The following NEMP2 variants were observed in gnomAD, a reference collection of about 807,000 sequenced individuals.
NEMP2 encodes the protein UPF0571 transmembrane protein.
In NEMP2, 53 loss-of-function variants were observed where a neutral mutation model predicts 54.2. That is an observed-to-expected ratio of 0.98 (90% CI 0.78 to 1.23). The LOEUF (loss-of-function observed/expected upper bound fraction) is 1.23, where lower values mean the gene tolerates loss of function less well. NEMP2 is among the 50% of genes most tolerant of loss of function. NEMP2 has a pLI of 0.00. For synonymous variants in NEMP2, 197 were observed against 190.3 expected, an observed-to-expected ratio of 1.04 and a Z score of -0.29; for missense variants, 455 against 511.3, an observed-to-expected ratio of 0.89 and a Z score of 1.06.
In NEMP2 at chr2:190,525,016, A is replaced by G. The variant is rs184741287; in HGVS notation, c.213+247T>C. On this transcript the variant is annotated intron_variant, in intron 2 of 8. Transcript: ENST00000409150. The surrounding 1 kb of genome is among the most constrained non-coding windows in gnomAD (Gnocchi z 5.0). Reference sequence around the variant, plus strand: ...CCTGAACAGCAGGCATGCTGTATACATTTAGATAGTATATTCATTGGGAGT... The same window carrying G: ...CCTGAACAGCAGGCATGCTGTATACGTTTAGATAGTATATTCATTGGGAGT... Among the ~76,000 whole-genome samples, 4 of 152,348 alleles carry G rather than the reference A, an allele frequency of 2.6e-5. No individual in the cohort carries two copies. Among genetic ancestry groups the G allele is most frequent in the Non-Finnish European group, 4.4e-5 (3 of 68,036 alleles).
Position 190,521,979 on chromosome 2 carries a change from T to C in NEMP2, c.214-2796A>G, listed in dbSNP as rs1017386363. Among the ~76,000 whole-genome samples, 2 of 152,076 alleles carry C rather than the reference T, an allele frequency of 1.3e-5. No individual in the cohort carries two copies. Among genetic ancestry groups the C allele is most frequent in the African/African-American group, 4.8e-5 (2 of 41,376 alleles). ...TTCATGGCTTTAGGCACCATCTATA[T>C]AAATATGCATCGCTAATTACTTTGC... On this transcript the variant is annotated intron_variant, in intron 2 of 8. Coordinates refer to ENST00000409150, the MANE Select transcript of NEMP2 (RefSeq NM_001142645.2). This position sits in a 1 kb window ranked among gnomAD's most constrained non-coding sequence, Gnocchi z 6.2.
Position 190,514,712 on chromosome 2 carries a change from T to G in NEMP2, c.728-34A>C. 2 of 1,534,050 alleles carry G rather than the reference T, an allele frequency of 1.3e-6. No homozygotes were observed. The highest frequency in any genetic ancestry group is 8.8e-7 in the Non-Finnish European group (1 of 1,131,932). On this transcript the variant is annotated intron_variant, in intron 6 of 8. Coordinates refer to ENST00000409150, the MANE Select transcript of NEMP2 (RefSeq NM_001142645.2). The surrounding 1 kb of genome is among the most constrained non-coding windows in gnomAD (Gnocchi z 5.7). ...GTGGAAGAGGTAAAATAATATAAAT[T>G]TGAATTTGAGACATTATGTGAAAAA...
At chr2:190,583,769 A>G in the NEMP2 span, among the ~76,000 whole-genome samples, 1 of 152,200 alleles carries the variant, frequency 6.6e-6, no homozygotes, top group Non-Finnish European at 1.5e-5. Flanking sequence ...GTTTTCACGC[A>G]TTGTCCTAAT....
At chr2:190,644,433 T>C in the NEMP2 span, among the ~76,000 whole-genome samples, 1 of 152,226 alleles carries the variant, frequency 6.6e-6, no homozygotes, top group African/African-American at 2.4e-5. This position sits in a 1 kb window ranked among gnomAD's most constrained non-coding sequence, Gnocchi z 4.4. Context: ...TTCAAAGGTG[T>C]GTCATATATA....
chr2:190,605,241 A>AG, the NEMP2 span, among the ~76,000 whole-genome samples: 1 of 152,136 alleles, frequency 6.6e-6, no homozygotes, highest in African/African-American at 2.4e-5. Context: ...GGCATGGTAT[A>AG]GAGGACCAAC....
the NEMP2 span, among the ~76,000 whole-genome samples, chr2:190,595,706 C>T: frequency 3.3e-4 from 50 of 152,270 alleles, no homozygotes; most frequent in Middle Eastern, 0.01. The surrounding 1 kb of genome is among the most constrained non-coding windows in gnomAD (Gnocchi z 4.0). Context: ...GAGATACCAT[C>T]TCACACCAGT....
the NEMP2 span, among the ~76,000 whole-genome samples, chr2:190,579,467 T>C: frequency 6.6e-6 from 1 of 152,176 alleles, no homozygotes; most frequent in African/African-American, 2.4e-5. Context: ...ACAGTATACT[T>C]AAGATGCCCG....
the NEMP2 span, among the ~76,000 whole-genome samples, chr2:190,576,499 A>T: frequency 6.6e-6 from 1 of 152,200 alleles, no homozygotes; most frequent in Non-Finnish European, 1.5e-5. Flanking sequence ...AAGCATTAAG[A>T]AAATGAAAGA....
the NEMP2 span, chr2:190,435,937 A>G: frequency 6.8e-7 from 1 of 1,461,286 alleles, no homozygotes; most frequent in Non-Finnish European, 9.2e-7. Context: ...ACATGTTATG[A>G]TTTTCATTAC....
At chr2:190,491,037 A>G in the NEMP2 span, among the ~76,000 whole-genome samples, 3 of 152,246 alleles carry the variant, frequency 2.0e-5, no homozygotes, top group African/African-American at 4.8e-5. The surrounding 1 kb of genome is among the most constrained non-coding windows in gnomAD (Gnocchi z 4.2). Context: ...TCCCAAAGTT[A>G]TAAGATGTAG....
chr2:190,581,533 A>G, the NEMP2 span, among the ~76,000 whole-genome samples: 1 of 152,294 alleles, frequency 6.6e-6, no homozygotes, highest in Middle Eastern at 3.4e-3. Flanking sequence ...AGAAAAACTT[A>G]CCTTAGTTTA....
the NEMP2 span, among the ~76,000 whole-genome samples, chr2:190,562,706 G>T: frequency 1.4e-5 from 2 of 144,852 alleles, no homozygotes; most frequent in South Asian, 2.3e-4. This position sits in a 1 kb window ranked among gnomAD's most constrained non-coding sequence, Gnocchi z 5.0. Context: ...TACAATTTCA[G>T]ATTTTAAGGC....
rs1574295077 is a variant in NEMP2, at chr2:190,514,491, A to G, written c.915T>C (p.Ser305=). 1 of 1,551,586 alleles carries G rather than the reference A, an allele frequency of 6.4e-7. No homozygotes were observed. The highest frequency in any genetic ancestry group is 2.4e-5 in the East Asian group (1 of 40,922). Residue 305 remains serine (S), a synonymous_variant, in exon 7 of 9, where the codon AGT becomes AGC. Transcript: ENST00000409150. The surrounding 1 kb of genome is among the most constrained non-coding windows in gnomAD (Gnocchi z 5.7). ...TGCATGCTCTCAGTGGGTAGTGCAGACTCCAGGAGGACATGAGGAGGATTA... is the reference window on the plus strand; with the variant it reads ...TGCATGCTCTCAGTGGGTAGTGCAGGCTCCAGGAGGACATGAGGAGGATTA... ...AAIILLMSSW[S]LHYPLRACSY...
chr2:190,524,830 A>G (rs192529800), intron 2 of NEMP2, among the ~76,000 whole-genome samples: 5 of 152,364 alleles, frequency 3.3e-5, no homozygotes, highest in South Asian at 2.1e-4. Flanking sequence ...TAGGTACTCA[A>G]TAAGTATTTG....
rs1000393480 is a variant in NEMP2, at chr2:190,519,791, C to A, written c.214-608G>T. ...CATTAAAAAGGATAAGAAGAATGTACAGGCATACCCATTTTATTGTTTTAC... is the reference window on the plus strand; with the variant it reads ...CATTAAAAAGGATAAGAAGAATGTAAAGGCATACCCATTTTATTGTTTTAC... On this transcript the variant is annotated intron_variant, in intron 2 of 8. Transcript: ENST00000409150. This position sits in a 1 kb window ranked among gnomAD's most constrained non-coding sequence, Gnocchi z 5.4. Among the ~76,000 whole-genome samples, 3 of 152,190 alleles carry A rather than the reference C, an allele frequency of 2.0e-5. No homozygotes were observed. Among genetic ancestry groups the A allele is most frequent in the Admixed American group, 6.5e-5 (1 of 15,286 alleles).
At chr2:190,524,729 C>T (rs1478318786) in intron 2 of NEMP2, among the ~76,000 whole-genome samples, 1 of 152,154 alleles carries the variant, frequency 6.6e-6, no homozygotes, top group African/African-American at 2.4e-5. Context: ...ATTCCCCACC[C>T]TAGATAATGT....
At chr2:190,621,408 T>C in the NEMP2 span, among the ~76,000 whole-genome samples, 1 of 152,200 alleles carries the variant, frequency 6.6e-6, no homozygotes, top group African/African-American at 2.4e-5. Flanking sequence ...GGTATTATAA[T>C]CTTATGGGAT....
the NEMP2 span, among the ~76,000 whole-genome samples, chr2:190,478,262 C>T: frequency 6.6e-6 from 1 of 152,160 alleles, no homozygotes; most frequent in Non-Finnish European, 1.5e-5. Flanking sequence ...TCTGTAAATA[C>T]AGCCTCCTAG....
the NEMP2 span, among the ~76,000 whole-genome samples, chr2:190,646,474 G>C: frequency 1.3e-5 from 2 of 152,174 alleles, no homozygotes. Flanking sequence ...AGTTCTTTTT[G>C]AGCTACCATA....
Sources: allele counts gnomAD v4.1 joint callset (sites outside exome capture counted in the v4.1 genomes callset), GRCh38; gene constraint gnomAD v4.1.1; non-coding constraint Gnocchi (gnomAD v3.1); transcripts MANE v1.5; gene names NCBI Gene and HGNC (gene_info 2026-07-23, HGNC 2026-07-21).